Variants in ZNF746 observed in about 807,000 individuals in gnomAD.
ZNF746 encodes zinc finger protein 746.
Under a neutral mutation model 41.0 loss-of-function variants are expected in ZNF746, and 13 were observed. That is an observed-to-expected ratio of 0.32 (90% CI 0.21 to 0.50). ZNF746 has a LOEUF of 0.50. Among genes scored for constraint, ZNF746 ranks in the 20% least tolerant of loss-of-function variants. The pLI is 0.98. For missense variants in ZNF746, 811 were observed against 922.9 expected, an observed-to-expected ratio of 0.88 and a Z score of 1.57; for synonymous variants, 424 against 396.2, an observed-to-expected ratio of 1.07 and a Z score of -0.83.
At position 149,475,582 on chromosome 7, in the gene ZNF746, A is replaced by G. The variant is rs576433416; in HGVS notation, c.884-99T>C. ...TGCTCAGCAGCTGCCTGGCCAGACA[A>G]ACTCCACCCAGGCCCTCGTGGCTGA... On this transcript the variant is annotated intron_variant, in intron 6 of 6. Transcript: ENST00000458143. 21 of 1,512,690 alleles carry G rather than the reference A, an allele frequency of 1.4e-5. No homozygotes were observed. In the East Asian group the frequency reaches 4.8e-4, roughly 34 times the overall value. 93.7% of individuals were successfully genotyped at this position (1,512,690 alleles called of 1,614,324 possible).
rs2116629114 is a variant in ZNF746 at position 149,473,259 on chromosome 7, C to T, written c.*1125G>A. 6.6e-6 allele frequency: 1 copy of T among 152,148 alleles called. No individual in the cohort carries two copies. The highest frequency in any genetic ancestry group is 2.1e-4 in the South Asian group (1 of 4,828). 9.4% of individuals were successfully genotyped at this position (152,148 alleles called of 1,614,324 possible). A position where few individuals can be genotyped will look rare whatever the true frequency, so the allele number is the denominator to read the frequency against. On this transcript the variant is annotated 3_prime_UTR_variant, in exon 7 of 7. Transcript: ENST00000458143. Reference sequence around the variant, plus strand: ...TGACTGGACTCTTGTCGGTGTGGGACAAATATTTTAAGAGGGAAAACCTGG... The same window carrying T: ...TGACTGGACTCTTGTCGGTGTGGGATAAATATTTTAAGAGGGAAAACCTGG...
rs1006865764 is a variant in ZNF746 at position 149,475,022 on chromosome 7, C to A, written c.1345G>T (p.Gly449Cys). Residue 449 changes from glycine to cysteine, a missense_variant, in exon 7 of 7, where the codon GGC becomes TGC. Gly to Cys is a radical substitution (Grantham distance 159). Around this residue, in one of 4 missense-constraint regions of ZNF746, gnomAD observed 495 missense variants for 481.6 expected, o/e 1.03. Coordinates refer to ENST00000458143, the MANE Select transcript of ZNF746 (RefSeq NM_001394198.1). ...TTCAGCCCTGGCTTGTGGCCAAAGC[C>A]TTTGGTCCGGCCAGGGTATTTACAG... ...EPCKYPGRTKGFGHKPGLKKH... is the reference protein window; with the variant it reads ...EPCKYPGRTKCFGHKPGLKKH... The A allele has an allele frequency of 7.7e-6, 12 of 1,555,054 alleles. No homozygotes were observed. The highest frequency in any genetic ancestry group is 1.0e-5 in the Non-Finnish European group (12 of 1,149,682).
rs1800809346 is a variant in ZNF746, at chr7:149,491,578, C to T, written c.565+1281G>A. ...AAATGCATCTGTAGAGCTAAACTGT[C>T]AATGTCCCGATGACGACTGGCAAAG... On this transcript the variant is annotated intron_variant, in intron 4 of 6. Coordinates refer to ENST00000458143, the MANE Select transcript of ZNF746 (RefSeq NM_001394198.1). The T allele has an allele frequency of 8.4e-5, 34 of 405,592 alleles. 4 individuals carry two copies. The South Asian group carries it at 1.0e-3, about 12-fold the overall frequency. 25.1% of individuals were successfully genotyped at this position (405,592 alleles called of 1,614,324 possible). A position where few individuals can be genotyped will look rare whatever the true frequency, so the allele number is the denominator to read the frequency against.
chr7:149,474,874 C>A lies in ZNF746; in HGVS notation c.1493G>T (p.Gly498Val). The change falls in exon 7 of 7, where the codon GGC (glycine) becomes GTC (valine). Residue 498 changes from glycine (G) to valine (V), a missense_variant. Physicochemically the swap from Gly to Val is moderately radical, Grantham distance 109. Transcript: ENST00000458143. The surrounding 1 kb of genome is among the most constrained non-coding windows in gnomAD (Gnocchi z 6.3). ...QRSCGAPDGS[G>V]PGTGGGGSGS... ...GCTGCCGCCACCGCCTGTGCCCGGG[C>A]CCGACCCGTCGGGCGCCCCACAGCT... The A allele has an allele frequency of 2.7e-6, 4 of 1,505,210 alleles. No homozygotes were observed. Among genetic ancestry groups the A allele is most frequent in the South Asian group, 1.2e-5 (1 of 81,894 alleles). The allele number at this position is 1,505,210 out of a possible 1,614,324, so 93.2% of individuals were successfully genotyped here.
In ZNF746 at chr7:149,476,788, C is replaced by G. The variant is rs1218354517; in HGVS notation, c.883+134G>C. The G allele has an allele frequency of 1.7e-5, 21 of 1,210,786 alleles. 1 individual carries two copies. The South Asian group carries it at 2.4e-4, about 14-fold the overall frequency. 75.0% of individuals were successfully genotyped at this position (1,210,786 alleles called of 1,614,324 possible). ...ATAAATAACAGAATGTGCAAAGGGT[C>G]ATAAGAGTGCAGACACCCTAATGTC... On this transcript the variant is annotated intron_variant, in intron 6 of 6. Transcript: ENST00000458143.
intron 6 of ZNF746, among the ~76,000 whole-genome samples, chr7:149,476,531 C>T (rs570641509): frequency 2.8e-4 from 43 of 152,156 alleles, no homozygotes; most frequent in Admixed American, 7.2e-4. Context: ...CTTCTGAAAT[C>T]GGCCTTCAGA....
chr7:149,496,145 T>C (rs1800988989), intron 1 of ZNF746, among the ~76,000 whole-genome samples: 1 of 152,202 alleles, frequency 6.6e-6, no homozygotes, highest in Non-Finnish European at 1.5e-5. Flanking sequence ...ACGTGCATTA[T>C]TATGGGCTTT....
In ZNF746 at chr7:149,474,810, G is replaced by A. The variant is rs747517953; in HGVS notation, c.1557C>T (p.Ser519=). 8 of 1,498,136 alleles carry A rather than the reference G, an allele frequency of 5.3e-6. 1 individual carries two copies. The highest frequency in any genetic ancestry group is 3.8e-5 in the South Asian group (3 of 78,904). The allele number at this position is 1,498,136 out of a possible 1,614,324, so 92.8% of individuals were successfully genotyped here. Residue 519 remains serine, a synonymous_variant, in exon 7 of 7, where the codon AGC becomes AGT. Coordinates refer to ENST00000458143, the MANE Select transcript of ZNF746 (RefSeq NM_001394198.1). This position sits in a 1 kb window ranked among gnomAD's most constrained non-coding sequence, Gnocchi z 6.3. ...GGGGGGSGGG[S]ARDGSALRCG... ...ACCGAAGGGCGCTGCCATCCCGTGC[G>A]CTGCCCCCACCGCTGCCGCCACCGC...
chr7:149,495,298 G>C (rs1249404890), intron 1 of ZNF746, among the ~76,000 whole-genome samples: 1 of 152,082 alleles, frequency 6.6e-6, no homozygotes, highest in African/African-American at 2.4e-5. Flanking sequence ...GACGGCCTCC[G>C]ACATTTTTGT....
chr7:149,496,444 T>A (rs1409695791), intron 1 of ZNF746, among the ~76,000 whole-genome samples: 2 of 152,122 alleles, frequency 1.3e-5, no homozygotes, highest in South Asian at 2.1e-4. Context: ...GGATCCCTCA[T>A]CCACTGCCCA....
intron 4 of ZNF746, chr7:149,491,850 CA>C: frequency 1.4e-6 from 1 of 701,032 alleles, no homozygotes; most frequent in Non-Finnish European, 2.6e-6. Flanking sequence ...AATGACCCAG[CA>C]GGTCTTCACT....
intron 3 of ZNF746, 64 bp downstream of exon 3, chr7:149,493,925 T>C (rs2116496014): frequency 1.2e-6 from 2 of 1,613,110 alleles, no homozygotes; most frequent in Middle Eastern, 1.7e-4. Context: ...AACAACTATG[T>C]GGAGGGAGAA....
intron 4 of ZNF746, chr7:149,490,589 A>C (rs536269623): frequency 6.5e-6 from 1 of 152,922 alleles, no homozygotes; most frequent in South Asian, 2.1e-4. Context: ...GAAGGACTGG[A>C]AAACTGCTGG....
intron 4 of ZNF746, among the ~76,000 whole-genome samples, chr7:149,484,944 AAAAC>A (rs1254388236): frequency 6.6e-6 from 1 of 152,094 alleles, no homozygotes; most frequent in Non-Finnish European, 1.5e-5. Flanking sequence ...ACACAGAAAG[AAAAC>A]AAAAGAGGAA....
intron 3 of ZNF746, among the ~76,000 whole-genome samples, chr7:149,493,634 G>A (rs1308102908): frequency 6.6e-6 from 1 of 152,246 alleles, no homozygotes; most frequent in Non-Finnish European, 1.5e-5. Flanking sequence ...GTTTGTAGGA[G>A]AAGGCTGAAG....
intron 4 of ZNF746, among the ~76,000 whole-genome samples, chr7:149,482,129 A>G (rs1800502013): frequency 6.6e-6 from 1 of 152,224 alleles, no homozygotes; most frequent in Non-Finnish European, 1.5e-5. Context: ...TTTTTGAAAT[A>G]CGGTATGTAT....
At chr7:149,493,610 T>C (rs375841546) in intron 3 of ZNF746, among the ~76,000 whole-genome samples, 26 of 152,192 alleles carry the variant, frequency 1.7e-4, no homozygotes, top group African/African-American at 6.0e-4. Context: ...CATGTTGCCG[T>C]AAGGGCCACG....
rs866257266 is a variant in ZNF746 at position 149,494,502 on chromosome 7, A to G, written c.26T>C (p.Ile9Thr). Residue 9 changes from isoleucine (I) to threonine (T), a missense_variant and splice_region_variant, in exon 2 of 7, where the codon ATT (isoleucine) becomes ACT (threonine). Coordinates refer to ENST00000458143, the MANE Select transcript of ZNF746 (RefSeq NM_001394198.1). This position sits in a 1 kb window ranked among gnomAD's most constrained non-coding sequence, Gnocchi z 5.6. ...CGTGGCTGCCATCGTCCACGGAGAA[A>G]TCTTTCAGAAACAAAAGAGAAACTG... MAEAVAAPISPWTMAATIQ... is the reference protein window; with the variant it reads MAEAVAAPTSPWTMAATIQ... The G allele has an allele frequency of 2.5e-6, 4 of 1,612,930 alleles. No individual in the cohort carries two copies. In the Middle Eastern group the frequency reaches 6.6e-4, roughly 267 times the overall value.
intron 1 of ZNF746, among the ~76,000 whole-genome samples, chr7:149,495,542 A>AC (rs1166001091): frequency 6.6e-6 from 1 of 152,176 alleles, no homozygotes; most frequent in Non-Finnish European, 1.5e-5. Flanking sequence ...TGAATGTGGG[A>AC]CCTACAGGGC....
Sources: gnomAD v4.1 joint callset for allele counts (sites outside exome capture counted in the v4.1 genomes callset) on GRCh38, gnomAD v4.1.1 for gene constraint, gnomAD v4.1.1 regional missense constraint, Gnocchi (gnomAD v3.1) non-coding constraint, MANE v1.5 for transcripts, NCBI Gene and HGNC (gene_info 2026-07-23, HGNC 2026-07-21) for gene names.